Variants in NAV2 observed in about 807,000 individuals in gnomAD.
The protein encoded by NAV2 is neuron navigator 2.
NAV2 carries 54 observed loss-of-function variants against 223.2 expected under a neutral mutation model. The observed-to-expected ratio is 0.24, with a 90% CI of 0.19 to 0.30. NAV2 has a LOEUF of 0.30. NAV2 is among the 10% of genes least tolerant of loss of function. NAV2 has a pLI of 1.00. For missense variants in NAV2, 2,806 were observed against 3,147.5 expected (o/e 0.89, Z 2.60); for synonymous variants, 1,279 against 1,239.3 (o/e 1.03, Z -0.67).
chr11:19,467,014 C>G (rs866986606), intron 1 of NAV2, among the ~76,000 whole-genome samples: 11,316 of 138,442 alleles, frequency 0.082, 481 homozygotes, highest in Admixed American at 0.11. Flanking sequence ...CACACACACA[C>G]ACACAGAGAG....
chr11:19,452,148 G>A lies in NAV2; in HGVS notation c.75+101121G>A, dbSNP rs1052125340. Among the ~76,000 whole-genome samples, 12 of 123,328 alleles carry A rather than the reference G, an allele frequency of 9.7e-5. 1 individual carries two copies. In the South Asian group the frequency reaches 2.9e-3, roughly 30 times the overall value. The allele number at this position is 123,328 out of a possible 152,430, so 80.9% of individuals were successfully genotyped here. Reference sequence around the variant, plus strand: ...TGTGTGTGTGTGTGTGTGTGTGTGTGTGTAAAGATTAATATTTCTTCTTCA... The same window carrying A: ...TGTGTGTGTGTGTGTGTGTGTGTGTATGTAAAGATTAATATTTCTTCTTCA... On this transcript the variant is annotated intron_variant, in intron 1 of 37. Coordinates refer to the NAV2 transcript ENST00000360655.
rs537020810 is a variant in NAV2, at chr11:20,094,964, C to T, written c.5917-708C>T. On this transcript the variant is annotated intron_variant, in intron 29 of 37. Coordinates refer to ENST00000349880, the MANE Select transcript of NAV2 (RefSeq NM_145117.5). Reference sequence around the variant, plus strand: ...ACTGTGATCTGGTTAGCTGCCACTACGCAAAGCCCTGTGAACAGAGATGCA... The same window carrying T: ...ACTGTGATCTGGTTAGCTGCCACTATGCAAAGCCCTGTGAACAGAGATGCA... Among the ~76,000 whole-genome samples the T allele has an allele frequency of 9.2e-5, 14 of 152,288 alleles. 1 individual carries two copies. In the South Asian group the frequency reaches 2.5e-3, roughly 27 times the overall value.
intron 10 of NAV2, among the ~76,000 whole-genome samples, chr11:19,966,866 G>A (rs2403547): frequency 0.34 from 51,811 of 151,892 alleles, 9,275 homozygotes; most frequent in African/African-American, 0.45. Context: ...ACTCTCTCAC[G>A]TTTCCAACTT....
chr11:19,582,249 T>A (rs2135034325), intron 1 of NAV2, among the ~76,000 whole-genome samples: 1 of 152,358 alleles, frequency 6.6e-6, no homozygotes, highest in South Asian at 2.1e-4. Context: ...GAGTTCATTG[T>A]AGATTCTGGA....
chr11:19,914,614 G>A (rs1385454194), intron 6 of NAV2, among the ~76,000 whole-genome samples: 1 of 150,456 alleles, frequency 6.6e-6, no homozygotes, highest in Non-Finnish European at 1.5e-5. Flanking sequence ...GCGCAATCTC[G>A]GCTCACTGCA....
chr11:19,480,826 C>T (rs988958420), intron 1 of NAV2, among the ~76,000 whole-genome samples: 6 of 152,204 alleles, frequency 3.9e-5, no homozygotes, highest in Admixed American at 2.0e-4. Flanking sequence ...GGTGAGGGTC[C>T]AGGCTCCCAG....
At chr11:20,059,914 A>G (rs1339215329) in intron 19 of NAV2, among the ~76,000 whole-genome samples, 2 of 152,352 alleles carry the variant, frequency 1.3e-5, no homozygotes, top group Non-Finnish European at 1.5e-5. Flanking sequence ...ACCTGGCTCA[A>G]TTCCCTTGAA....
At chr11:19,550,236 C>T (rs1241918542) in intron 1 of NAV2, among the ~76,000 whole-genome samples, 3 of 152,194 alleles carry the variant, frequency 2.0e-5, no homozygotes, top group Non-Finnish European at 2.9e-5. Context: ...ATTTCTGAAG[C>T]TCATTTAATA....
chr11:19,713,326 C>T lies in NAV2; in HGVS notation c.-370C>T. ...AAGGGGCCTCCTCACTTCGGAGATG[C>T]AGTGACAAGTTAATATGGGCGTCCA... On this transcript the variant is annotated 5_prime_UTR_variant, in exon 1 of 38. It introduces an in-frame stop codon into an upstream open reading frame of the 5' UTR. Transcript: ENST00000349880. The surrounding 1 kb of genome is among the most constrained non-coding windows in gnomAD (Gnocchi z 7.2). 9.3e-7 allele frequency: 1 copy of T among 1,077,164 alleles called. No individual in the cohort carries two copies. Among genetic ancestry groups the T allele is most frequent in the Non-Finnish European group, 1.1e-6 (1 of 890,584 alleles). The allele number at this position is 1,077,164 out of a possible 1,614,324, so 66.7% of individuals were successfully genotyped here. A position where few individuals can be genotyped will look rare whatever the true frequency, so the allele number is the denominator to read the frequency against.
At chr11:19,916,814 G>A (rs1204005137) in intron 6 of NAV2, among the ~76,000 whole-genome samples, 3 of 152,224 alleles carry the variant, frequency 2.0e-5, no homozygotes, top group African/African-American at 4.8e-5. Context: ...ACAAAAATAG[G>A]TGGGGAGCTG....
chr11:19,629,542 G>GACACAC (rs10604730), intron 1 of NAV2, among the ~76,000 whole-genome samples: 1,381 of 134,814 alleles, frequency 0.01, 21 homozygotes, highest in African/African-American at 0.024. Flanking sequence ...CTCTCTCTCT[G>GACACAC]ACACACACAC....
At chr11:19,725,665 T>C (rs1160359230) in intron 1 of NAV2, among the ~76,000 whole-genome samples, 1 of 152,134 alleles carries the variant, frequency 6.6e-6, no homozygotes, top group Non-Finnish European at 1.5e-5. Context: ...CAGAAACCAA[T>C]ATAAATTTGA....
chr11:19,770,806 A>G (rs1298252369), intron 1 of NAV2, among the ~76,000 whole-genome samples: 1 of 152,212 alleles, frequency 6.6e-6, no homozygotes, highest in East Asian at 1.9e-4. Context: ...TTCACTCTCC[A>G]AAAGCTCTCC....
At chr11:19,973,538 T>C (rs1159192546) in intron 10 of NAV2, among the ~76,000 whole-genome samples, 1 of 152,208 alleles carries the variant, frequency 6.6e-6, no homozygotes, top group East Asian at 1.9e-4. Context: ...AATTCTCTAC[T>C]TGATCAATCT....
intron 11 of NAV2, among the ~76,000 whole-genome samples, chr11:20,017,965 C>A (rs1414210972): frequency 6.6e-6 from 1 of 152,126 alleles, no homozygotes; most frequent in African/African-American, 2.4e-5. Flanking sequence ...CCCTCCCTTC[C>A]CTTTCTCTCT....
intron 1 of NAV2, among the ~76,000 whole-genome samples, chr11:19,823,492 G>A (rs2059488318): frequency 6.6e-6 from 1 of 152,146 alleles, no homozygotes; most frequent in Non-Finnish European, 1.5e-5. Flanking sequence ...ACAGGCGTGA[G>A]CCACCGTGCC....
intron 29 of NAV2, 49 bp from the exon 30 acceptor site, chr11:20,095,623 C>T (rs1486934610): frequency 1.1e-5 from 15 of 1,357,308 alleles, no homozygotes; most frequent in Non-Finnish European, 1.6e-5. Context: ...TGAACTGAGT[C>T]AGAAAAGATC....
At chr11:20,103,568 G>A in intron 33 of NAV2, 85 bp from the exon 34 acceptor site, 1 of 1,511,216 alleles carries the variant, frequency 6.6e-7, no homozygotes, top group Non-Finnish European at 9.2e-7. Context: ...TGGCCTGGAA[G>A]CACAGGGCCA....
chr11:19,688,850 C>T (rs1024527281), intron 1 of NAV2, among the ~76,000 whole-genome samples: 3 of 152,112 alleles, frequency 2.0e-5, no homozygotes, highest in Non-Finnish European at 2.9e-5. Context: ...GGGATAGTCT[C>T]GGGTTGTGCC....
Sources: allele counts gnomAD v4.1 joint callset (sites outside exome capture counted in the v4.1 genomes callset), GRCh38; gene constraint gnomAD v4.1.1; non-coding constraint Gnocchi (gnomAD v3.1); transcripts MANE v1.5; gene names NCBI Gene and HGNC (gene_info 2026-07-23, HGNC 2026-07-21).